Variants in CUL9 observed in about 807,000 individuals in gnomAD.
CUL9 encodes cullin 9.
Under a neutral mutation model 272.6 loss-of-function variants are expected in CUL9, and 79 were observed. The ratio of observed to expected loss-of-function variants is 0.29; its 90% CI spans 0.24 to 0.35. The LOEUF (loss-of-function observed/expected upper bound fraction) is 0.35, where lower values mean the gene tolerates loss of function less well. Among genes scored for constraint, CUL9 ranks in the 10% least tolerant of loss-of-function variants. CUL9 has a pLI of 1.00. For missense variants in CUL9, 2,532 were observed against 3,255.6 expected (o/e 0.78, Z 5.41); for synonymous variants, 1,186 against 1,286.5 (o/e 0.92, Z 1.67).
intron 31 of CUL9, among the ~76,000 whole-genome samples, chr6:43,217,694 TCTC>T (rs1448766492): frequency 6.6e-5 from 10 of 152,348 alleles, no homozygotes; most frequent in Middle Eastern, 3.4e-3. Flanking sequence ...GCTTCTGGCT[TCTC>T]CTCTCACATA....
In CUL9 at chr6:43,203,393, C is replaced by T; in HGVS notation, c.3850-24C>T. On this transcript the variant is annotated intron_variant, in intron 18 of 40. Coordinates refer to ENST00000252050, the MANE Select transcript of CUL9 (RefSeq NM_015089.4). The surrounding 1 kb of genome is among the most constrained non-coding windows in gnomAD (Gnocchi z 5.0). Reference sequence around the variant, plus strand: ...TTAGTGGCTCAAGCGGCTTGGGTGACAGATAAGTCTGTGCATGTTCCAGGG... The same window carrying T: ...TTAGTGGCTCAAGCGGCTTGGGTGATAGATAAGTCTGTGCATGTTCCAGGG... The T allele has an allele frequency of 6.2e-7, 1 of 1,612,324 alleles. No homozygotes were observed. Among genetic ancestry groups the T allele is most frequent in the African/African-American group, 1.3e-5 (1 of 75,010 alleles).
chr6:43,193,345 G>T, intron 9 of CUL9, 137 bp downstream of exon 9: 1 of 763,738 alleles, frequency 1.3e-6, no homozygotes, highest in Non-Finnish European at 2.2e-6. Flanking sequence ...GGTTTTAAGA[G>T]TTTGATCTGG....
At position 43,206,834 on chromosome 6, in the gene CUL9, T is replaced by TTAA. The variant is rs1475038866; in HGVS notation, c.5212+325_5212+326insAAT. Among the ~76,000 whole-genome samples, 1 of 152,134 alleles carries TTAA rather than the reference T, an allele frequency of 6.6e-6. No individual in the cohort carries two copies. Among genetic ancestry groups the TTAA allele is most frequent in the Non-Finnish European group, 1.5e-5 (1 of 68,034 alleles). ...CTGCTTTAGTGGCATCCTATAAAGT[T>TTAA]TTAAAAGATTTTTTTTCTTTATTTT... is the stretch of plus-strand genomic sequence containing the variant. On this transcript the variant is annotated intron_variant, in intron 26 of 40. Transcript: ENST00000252050. This position sits in a 1 kb window ranked among gnomAD's most constrained non-coding sequence, Gnocchi z 4.8.
At chr6:43,192,429 G>GCGAGGC (rs922943115) in intron 8 of CUL9, among the ~76,000 whole-genome samples, 5 of 152,144 alleles carry the variant, frequency 3.3e-5, no homozygotes, top group African/African-American at 1.2e-4. Flanking sequence ...CCAGCACTTT[G>GCGAGGC]CGAGGCCAAG....
At position 43,223,738 on chromosome 6, in the gene CUL9, G is replaced by A. The variant is rs1356624445; in HGVS notation, c.7284+341G>A. On this transcript the variant is annotated intron_variant, in intron 39 of 40. Coordinates refer to ENST00000252050, the MANE Select transcript of CUL9 (RefSeq NM_015089.4). The surrounding 1 kb of genome is among the most constrained non-coding windows in gnomAD (Gnocchi z 4.1). ...TCCTAAGAGTGGGCATCAGGGGATT[G>A]GGGTCACTGGAGCAAGGGCTCTCCC... The A allele has an allele frequency of 6.8e-5, 34 of 498,906 alleles. No homozygotes were observed. In the East Asian group the frequency reaches 1.1e-3, roughly 16 times the overall value. The allele number at this position is 498,906 out of a possible 1,614,324, so 30.9% of individuals were successfully genotyped here. A position where few individuals can be genotyped will look rare whatever the true frequency, so the allele number is the denominator to read the frequency against.
At chr6:43,216,595 C>A in intron 31 of CUL9, 92 bp downstream of exon 31, 1 of 1,147,312 alleles carries the variant, frequency 8.7e-7, no homozygotes, top group Non-Finnish European at 1.2e-6. Flanking sequence ...CCCAGCACTG[C>A]CATTTTCATC....
intron 26 of CUL9, among the ~76,000 whole-genome samples, chr6:43,208,992 G>T (rs1001729299): frequency 6.6e-6 from 1 of 150,840 alleles, no homozygotes; most frequent in African/African-American, 2.4e-5. Flanking sequence ...CTATAGGTGT[G>T]CACCACCACT....
intron 1 of CUL9, among the ~76,000 whole-genome samples, chr6:43,183,705 T>TCTTCCTTCCTTCCTTCCTTC (rs59921107): frequency 6.8e-6 from 1 of 147,148 alleles, no homozygotes; most frequent in East Asian, 2.0e-4. Context: ...TTCCTTCCTT[T>TCTTCCTTCCTTCCTTCCTTC]CTTCCTTCCT....
chr6:43,222,268 C>G (rs753055143), intron 35 of CUL9, 48 bp from the exon 36 acceptor site: 1 of 1,510,396 alleles, frequency 6.6e-7, no homozygotes, highest in South Asian at 1.1e-5. Flanking sequence ...TTAACTCCCT[C>G]CTGTCCAAAC....
chr6:43,215,051 G>T (rs748274770), intron 29 of CUL9, 28 bp from the exon 30 acceptor site: 1 of 1,565,816 alleles, frequency 6.4e-7, no homozygotes, highest in Non-Finnish European at 8.7e-7. Context: ...CATAAAAGTG[G>T]ACTTCTTGTT....
intron 9 of CUL9, among the ~76,000 whole-genome samples, chr6:43,193,542 T>TTTTG (rs548264177): frequency 4.4e-4 from 67 of 151,858 alleles, no homozygotes; most frequent in African/African-American, 1.0e-3. Context: ...CCAGGAGGTT[T>TTTTG]TTTGTTTGTT....
Position 43,204,444 on chromosome 6 carries a change from C to T in CUL9, c.4244C>T (p.Ala1415Val). The T allele has an allele frequency of 6.2e-7, 1 of 1,614,168 alleles. No individual in the cohort carries two copies. Among genetic ancestry groups the T allele is most frequent in the Non-Finnish European group, 8.5e-7 (1 of 1,180,022 alleles). Residue 1415 changes from alanine to valine, a missense_variant, in exon 21 of 41, where the codon GCA becomes GTA. This residue lies in a region of CUL9 where 2,218 missense variants were observed against 2,788.6 expected (regional missense o/e 0.80). Transcript: ENST00000252050. ...RETSRNPLSRAASFASRVRRL... is the reference protein window; with the variant it reads ...RETSRNPLSRVASFASRVRRL... Reference sequence around the variant, plus strand: ...ACCTCTCGGAACCCCTTGAGTCGAGCAGCGTCCTTTGCTTCTCGAGTTCGT... The same window carrying T: ...ACCTCTCGGAACCCCTTGAGTCGAGTAGCGTCCTTTGCTTCTCGAGTTCGT...
intron 24 of CUL9, 137 bp from the exon 25 acceptor site, chr6:43,205,870 G>C: frequency 1.5e-6 from 1 of 681,272 alleles, no homozygotes; most frequent in Non-Finnish European, 2.5e-6. Context: ...TGCATTGGTG[G>C]AAAGGGAGTG....
At position 43,223,747 on chromosome 6, in the gene CUL9, G is replaced by A. The variant is rs916345158; in HGVS notation, c.7285-348G>A. The A allele has an allele frequency of 2.0e-5, 10 of 497,528 alleles. No individual in the cohort carries two copies. The highest frequency in any genetic ancestry group is 1.9e-4 in the African/African-American group (10 of 52,246). 30.8% of individuals were successfully genotyped at this position (497,528 alleles called of 1,614,324 possible). On this transcript the variant is annotated intron_variant, in intron 39 of 40. Coordinates refer to ENST00000252050, the MANE Select transcript of CUL9 (RefSeq NM_015089.4). The surrounding 1 kb of genome is among the most constrained non-coding windows in gnomAD (Gnocchi z 4.1). ...TGGGCATCAGGGGATTGGGGTCACTGGAGCAAGGGCTCTCCCAGGCTCTCT... is the reference window on the plus strand; with the variant it reads ...TGGGCATCAGGGGATTGGGGTCACTAGAGCAAGGGCTCTCCCAGGCTCTCT...
intron 9 of CUL9, among the ~76,000 whole-genome samples, chr6:43,194,565 C>T (rs1005766211): frequency 5.9e-5 from 9 of 151,652 alleles, no homozygotes; most frequent in Non-Finnish European, 8.8e-5. Context: ...ATGATCTGCC[C>T]GCCTCAGTCT....
At position 43,203,345 on chromosome 6, in the gene CUL9, A is replaced by G; in HGVS notation, c.3850-72A>G. The stretch of plus-strand genomic sequence containing the variant: ...TGAGCAGTTCTAGGGAGCTCAGGGC[A>G]GGAGGCTTGGCTTTGGTAGTACTTA... On this transcript the variant is annotated intron_variant, in intron 18 of 40. Coordinates refer to ENST00000252050, the MANE Select transcript of CUL9 (RefSeq NM_015089.4). The surrounding 1 kb of genome is among the most constrained non-coding windows in gnomAD (Gnocchi z 5.0). 6.2e-7 allele frequency: 1 copy of G among 1,603,950 alleles called. No individual in the cohort carries two copies. The highest frequency in any genetic ancestry group is 8.5e-7 in the Non-Finnish European group (1 of 1,173,114).
chr6:43,187,187 G>A, intron 5 of CUL9, 59 bp from the exon 6 acceptor site: 2 of 1,605,528 alleles, frequency 1.2e-6, no homozygotes, highest in Non-Finnish European at 1.7e-6. Flanking sequence ...AGCCCTAGGG[G>A]TCCAGAAATA....
chr6:43,199,922 G>A lies in CUL9; in HGVS notation c.3157-7G>A, dbSNP rs1774367401. The A allele has an allele frequency of 6.2e-7, 1 of 1,609,384 alleles. No individual in the cohort carries two copies. The highest frequency in any genetic ancestry group is 1.3e-5 in the African/African-American group (1 of 74,928). ...CTGTAAATTAATCTATGTGGCTCTGGGCTCAGATTGTTCAGGAGCTGACCT... is the reference window on the plus strand; with the variant it reads ...CTGTAAATTAATCTATGTGGCTCTGAGCTCAGATTGTTCAGGAGCTGACCT... On this transcript the variant is annotated splice_region_variant and splice_polypyrimidine_tract_variant and intron_variant, in intron 13 of 40. Transcript: ENST00000252050. This position sits in a 1 kb window ranked among gnomAD's most constrained non-coding sequence, Gnocchi z 4.4.
At position 43,200,207 on chromosome 6, in the gene CUL9, G is replaced by A. The variant is rs750348553; in HGVS notation, c.3384+51G>A. The A allele has an allele frequency of 3.9e-6, 6 of 1,549,220 alleles. No homozygotes were observed. In the African/African-American group the frequency reaches 5.4e-5, roughly 14 times the overall value. On this transcript the variant is annotated intron_variant, in intron 14 of 40. Coordinates refer to ENST00000252050, the MANE Select transcript of CUL9 (RefSeq NM_015089.4). The surrounding 1 kb of genome is among the most constrained non-coding windows in gnomAD (Gnocchi z 4.0). The stretch of plus-strand genomic sequence containing the variant: ...CTGAGAGAATGCAAGTCAGAAGCAG[G>A]AGAAGGGGATTCACTGTGTTCCTCT...
Sources: allele counts gnomAD v4.1 joint callset (sites outside exome capture counted in the v4.1 genomes callset), GRCh38; gene constraint gnomAD v4.1.1; regional missense constraint gnomAD v4.1.1; non-coding constraint Gnocchi (gnomAD v3.1); transcripts MANE v1.5; gene names NCBI Gene and HGNC (gene_info 2026-07-23, HGNC 2026-07-21).